Variants in SMDT1 observed in about 807,000 individuals in gnomAD.
SMDT1 encodes essential MCU regulator, mitochondrial.
Under a neutral mutation model 5.9 loss-of-function variants are expected in SMDT1, and 6 were observed. That is an observed-to-expected ratio of 1.03 (90% CI 0.56 to 2.02). The LOEUF (loss-of-function observed/expected upper bound fraction) is 2.02. Among genes scored for constraint, SMDT1 ranks in the 30% most tolerant of loss-of-function variants. The pLI is 0.00. For missense variants in SMDT1, 159 were observed against 145.6 expected, an observed-to-expected ratio of 1.09 and a Z score of -0.47; for synonymous variants, 81 against 62.4, an observed-to-expected ratio of 1.30 and a Z score of -1.40.
In SMDT1 at chr22:42,079,906, G is replaced by A. The variant is rs1453307735; in HGVS notation, c.138G>A (p.Arg46=). The A allele has an allele frequency of 1.3e-5, 21 of 1,613,766 alleles. No individual in the cohort carries two copies. The highest frequency in any genetic ancestry group is 1.7e-5 in the Non-Finnish European group (20 of 1,179,914). Reference sequence around the variant, plus strand: ...CAGGCCGGAGCCTGGTACCGTCGAGGTCAGTCATCGTTACCCGCAGCGGCG... The same window carrying A: ...CAGGCCGGAGCCTGGTACCGTCGAGATCAGTCATCGTTACCCGCAGCGGCG... The part of the protein sequence containing the change: ...SGSGRSLVPS[R]SVIVTRSGAI... The change falls in exon 1 of 3, where the codon AGG becomes AGA. Residue 46 remains arginine, a synonymous_variant. Coordinates refer to ENST00000331479, the MANE Select transcript of SMDT1 (RefSeq NM_033318.5).
chr22:42,083,094 TC>T (rs1927906804), intron 2 of SMDT1, 24 bp from the exon 3 acceptor site: 1 of 152,592 alleles, frequency 6.6e-6, no homozygotes, highest in South Asian at 2.1e-4. Flanking sequence ...GTTGCCCAGT[TC>T]ACTGCTGCTT....
intron 1 of SMDT1, among the ~76,000 whole-genome samples, 161 bp downstream of exon 1, chr22:42,080,115 G>A (rs1927661825): frequency 6.6e-6 from 1 of 152,186 alleles, no homozygotes; most frequent in African/African-American, 2.4e-5. Flanking sequence ...ATTTTGACAG[G>A]TGTGTAGAAA....
intron 1 of SMDT1, among the ~76,000 whole-genome samples, chr22:42,080,304 ATG>A (rs1569461791): frequency 7.9e-5 from 12 of 152,298 alleles, no homozygotes; most frequent in South Asian, 6.2e-4. Flanking sequence ...GGGATGAAAT[ATG>A]AATTTTGAAA....
At chr22:42,080,967 C>G (rs956709822) in intron 1 of SMDT1, among the ~76,000 whole-genome samples, 1 of 152,230 alleles carries the variant, frequency 6.6e-6, no homozygotes, top group Admixed American at 6.5e-5. Context: ...GTACATCTTT[C>G]TGTCATCGGT....
Position 42,083,772 on chromosome 22 carries a change from G to A in SMDT1, c.*657G>A, listed in dbSNP as rs1927962841. 6.6e-6 allele frequency: 1 copy of A among 152,058 alleles called. No individual in the cohort carries two copies. 9.4% of individuals were successfully genotyped at this position (152,058 alleles called of 1,614,324 possible). On this transcript the variant is annotated 3_prime_UTR_variant, in exon 3 of 3. Transcript: ENST00000331479. ...CTTTTGTTATAATGTTGGGCACTTCGGGCCTCAGAAAACAGCAGGCTGTTT... is the reference window on the plus strand; with the variant it reads ...CTTTTGTTATAATGTTGGGCACTTCAGGCCTCAGAAAACAGCAGGCTGTTT...
Position 42,079,727 on chromosome 22 carries a change from C to A in SMDT1, c.-42C>A. 6.4e-7 allele frequency: 1 copy of A among 1,572,996 alleles called. No homozygotes were observed. Among genetic ancestry groups the A allele is most frequent in the Non-Finnish European group, 8.6e-7 (1 of 1,164,318 alleles). On this transcript the variant is annotated 5_prime_UTR_variant, in exon 1 of 3. Coordinates refer to ENST00000331479, the MANE Select transcript of SMDT1 (RefSeq NM_033318.5). ...TCCCGAGGGCGGCACGAGGGCTGGG[C>A]GGTGGGGTGCGGGTGCCCGGGTGAG... is the stretch of plus-strand genomic sequence containing the variant.
chr22:42,080,285 C>A (rs563194204), intron 1 of SMDT1, among the ~76,000 whole-genome samples: 1 of 152,218 alleles, frequency 6.6e-6, no homozygotes, highest in African/African-American at 2.4e-5. Flanking sequence ...TGCCTGTCTC[C>A]TAGTTTATGG....
chr22:42,082,815 G>C (rs1013897164), intron 2 of SMDT1, among the ~76,000 whole-genome samples: 1 of 152,080 alleles, frequency 6.6e-6, no homozygotes, highest in African/African-American at 2.4e-5. Flanking sequence ...GAAAGTTGAC[G>C]GCTCCTTCCT....
chr22:42,079,838 A>G lies in SMDT1; in HGVS notation c.70A>G (p.Ser24Gly), dbSNP rs140698121. Reference protein sequence around the residue: ...VRSGALRSGPSLRKDGDVSAA... With the variant: ...VRSGALRSGPGLRKDGDVSAA... ...GTCCGGGGCTCTCCGGAGCGGGCCTAGCTTGAGGAAAGATGGCGATGTCTC... is the reference window on the plus strand; with the variant it reads ...GTCCGGGGCTCTCCGGAGCGGGCCTGGCTTGAGGAAAGATGGCGATGTCTC... Residue 24 changes from serine (S) to glycine (G), a missense_variant, in exon 1 of 3, where the codon AGC becomes GGC. Physicochemically the swap from Ser to Gly is moderately conservative, Grantham distance 56 (BLOSUM62 0). Transcript: ENST00000331479. 4.3e-5 allele frequency: 69 copies of G among 1,613,836 alleles called. 1 individual carries two copies. The highest frequency in any genetic ancestry group is 3.3e-4 in the Middle Eastern group (2 of 6,084).
chr22:42,081,230 A>G (rs1270072267), intron 1 of SMDT1, among the ~76,000 whole-genome samples: 1 of 151,634 alleles, frequency 6.6e-6, no homozygotes, highest in Non-Finnish European at 1.5e-5. Flanking sequence ...CAGTGGCACA[A>G]TCTTGGCTCA....
rs768943522 is a variant in SMDT1, at chr22:42,081,987, C to A, written c.249C>A (p.Leu83=). ...TCCCCTTTCTCTATGTCGGGACACT[C>A]ATTAGCAAGAACTTTGCTGCTCTAC... ...IVIPFLYVGT[L]ISKNFAALLE... The change falls in exon 2 of 3, where the codon CTC becomes CTA. Residue 83 remains leucine (L), a synonymous_variant. Coordinates refer to ENST00000331479, the MANE Select transcript of SMDT1 (RefSeq NM_033318.5). 2 of 1,613,944 alleles carry A rather than the reference C, an allele frequency of 1.2e-6. No individual in the cohort carries two copies. The highest frequency in any genetic ancestry group is 1.7e-6 in the Non-Finnish European group (2 of 1,180,040).
rs763841410 is a variant in SMDT1, at chr22:42,079,808, G to A, written c.40G>A (p.Val14Ile). Reference sequence around the variant, plus strand: ...GGCTCGCTGGCTAGTATTGGCACCCGTCAGGTCCGGGGCTCTCCGGAGCGG... The same window carrying A: ...GGCTCGCTGGCTAGTATTGGCACCCATCAGGTCCGGGGCTCTCCGGAGCGG... ...GAARWLVLAP[V>I]RSGALRSGPS... Residue 14 changes from valine (V) to isoleucine (I), a missense_variant, in exon 1 of 3, where the codon GTC becomes ATC. By Grantham distance (29) the Val-to-Ile change is conservative (BLOSUM62 3). Coordinates refer to ENST00000331479, the MANE Select transcript of SMDT1 (RefSeq NM_033318.5). The A allele has an allele frequency of 1.2e-6, 2 of 1,611,488 alleles. No homozygotes were observed. The highest frequency in any genetic ancestry group is 1.7e-5 in the Admixed American group (1 of 59,984).
intron 1 of SMDT1, among the ~76,000 whole-genome samples, 183 bp downstream of exon 1, chr22:42,080,137 A>G (rs1485643844): frequency 6.6e-6 from 1 of 152,054 alleles, no homozygotes; most frequent in Non-Finnish European, 1.5e-5. Context: ...TGGTAGGTAG[A>G]CAGAAGATGG....
intron 1 of SMDT1, among the ~76,000 whole-genome samples, chr22:42,080,696 G>A (rs1927710408): frequency 6.6e-6 from 1 of 152,200 alleles, no homozygotes; most frequent in South Asian, 2.1e-4. Flanking sequence ...TCTAGCCTAT[G>A]CTAACTCACA....
At position 42,083,864 on chromosome 22, in the gene SMDT1, A is replaced by C. The variant is rs1437271642; in HGVS notation, c.*749A>C. 1 of 152,166 alleles carries C rather than the reference A, an allele frequency of 6.6e-6. No homozygotes were observed. The highest frequency in any genetic ancestry group is 1.5e-5 in the Non-Finnish European group (1 of 68,014). The allele number at this position is 152,166 out of a possible 1,614,324, so 9.4% of individuals were successfully genotyped here. On this transcript the variant is annotated 3_prime_UTR_variant, in exon 3 of 3. Coordinates refer to ENST00000331479, the MANE Select transcript of SMDT1 (RefSeq NM_033318.5). Reference sequence around the variant, plus strand: ...TCCCCAAGGCAGGCCATAGAAACTAAAAGTATAATCTTCCTTTGCCCGTCT... The same window carrying C: ...TCCCCAAGGCAGGCCATAGAAACTACAAGTATAATCTTCCTTTGCCCGTCT...
At position 42,079,948 on chromosome 22, in the gene SMDT1, G is replaced by T; in HGVS notation, c.180G>T (p.Pro60=). The T allele has an allele frequency of 6.2e-7, 1 of 1,611,140 alleles. No individual in the cohort carries two copies. The highest frequency in any genetic ancestry group is 1.1e-5 in the South Asian group (1 of 90,838). Residue 60 remains proline (P), a synonymous_variant, in exon 1 of 3, where the codon CCG becomes CCT. Coordinates refer to ENST00000331479, the MANE Select transcript of SMDT1 (RefSeq NM_033318.5). ...GCAGCGGCGCCATTTTGCCCAAACCGGTGAAAGTGAGTGTCCTCCTGGAGA... is the reference window on the plus strand; with the variant it reads ...GCAGCGGCGCCATTTTGCCCAAACCTGTGAAAGTGAGTGTCCTCCTGGAGA... The part of the protein sequence containing the change: ...VTRSGAILPK[P]VKMSFGLLRV...
Position 42,082,273 on chromosome 22 carries a change from C to T in SMDT1, c.*3+208C>T, listed in dbSNP as rs546061692. ...CTGGAGTGCAATGGCATGATCTCGA[C>T]TCACTGCAACCTCTGCCTTCCAGGT... On this transcript the variant is annotated intron_variant, in intron 2 of 2. Transcript: ENST00000331479. 10 of 562,730 alleles carry T rather than the reference C, an allele frequency of 1.8e-5. No individual in the cohort carries two copies. In the African/African-American group the frequency reaches 1.9e-4, roughly 11 times the overall value. The allele number at this position is 562,730 out of a possible 1,614,324, so 34.9% of individuals were successfully genotyped here. A position where few individuals can be genotyped will look rare whatever the true frequency, so the allele number is the denominator to read the frequency against.
rs1223061295 is a variant in SMDT1 at position 42,083,986 on chromosome 22, GA to G, written c.*873del. 2 of 152,300 alleles carry G rather than the reference GA, an allele frequency of 1.3e-5. No homozygotes were observed. Among genetic ancestry groups the G allele is most frequent in the Admixed American group, 1.3e-4 (2 of 15,302 alleles). The allele number at this position is 152,300 out of a possible 1,614,324, so 9.4% of individuals were successfully genotyped here. A position where few individuals can be genotyped will look rare whatever the true frequency, so the allele number is the denominator to read the frequency against. ...AGGGATTCTGCCCCATACCTGAGAG[GA>G]AGAAATGTAGACAGGCCTTGTTGGA... On this transcript the variant is annotated 3_prime_UTR_variant, in exon 3 of 3. Transcript: ENST00000331479.
rs755768479 is a variant in SMDT1, at chr22:42,079,807, C to T, written c.39C>T (p.Pro13=). 1.2e-6 allele frequency: 2 copies of T among 1,611,652 alleles called. No individual in the cohort carries two copies. Among genetic ancestry groups the T allele is most frequent in the South Asian group, 2.2e-5 (2 of 91,054 alleles). ...SGAARWLVLA[P]VRSGALRSGP... The stretch of plus-strand genomic sequence containing the variant: ...CGGCTCGCTGGCTAGTATTGGCACC[C>T]GTCAGGTCCGGGGCTCTCCGGAGCG... Residue 13 remains proline, a synonymous_variant, in exon 1 of 3, where the codon CCC becomes CCT. Transcript: ENST00000331479.
Sources: allele counts gnomAD v4.1 joint callset (sites outside exome capture counted in the v4.1 genomes callset), GRCh38; gene constraint gnomAD v4.1.1; transcripts MANE v1.5; gene names NCBI Gene and HGNC (gene_info 2026-07-23, HGNC 2026-07-21).